PKHD1: variants seen among roughly 807,000 people sequenced by gnomAD.
PKHD1 encodes the protein fibrocystin.
PKHD1 carries 291 observed loss-of-function variants against 412.0 expected under a neutral mutation model. The observed-to-expected ratio is 0.71, with a 90% confidence interval of 0.64 to 0.78. The LOEUF is 0.78. Among genes scored for constraint, PKHD1 ranks in the 30% least tolerant of loss-of-function variants. The pLI is 0.00. For missense variants in PKHD1, 4,825 were observed against 4,950.7 expected, an observed-to-expected ratio of 0.97 and a Z score of 0.76; for synonymous variants, 1,777 against 1,821.5, an observed-to-expected ratio of 0.98 and a Z score of 0.62.
At chr6:51,771,379 T>C (rs1412265452) in intron 55 of PKHD1, among the ~76,000 whole-genome samples, 2 of 152,144 alleles carry the variant, frequency 1.3e-5, no homozygotes, top group African/African-American at 4.8e-5. Flanking sequence ...CCCAGGCCTT[T>C]GGGAGGCCAA....
intron 50 of PKHD1, among the ~76,000 whole-genome samples, chr6:51,846,632 G>A (rs1771209128): frequency 6.6e-6 from 1 of 152,144 alleles, no homozygotes; most frequent in Non-Finnish European, 1.5e-5. Context: ...GGATGGTCCT[G>A]ACACACTGGT....
At chr6:51,718,022 G>A (rs1227533772) in intron 60 of PKHD1, among the ~76,000 whole-genome samples, 3 of 152,206 alleles carry the variant, frequency 2.0e-5, no homozygotes, top group African/African-American at 7.2e-5. Context: ...TTTGGCTAAG[G>A]AAGCCTTGCT....
At chr6:51,901,358 A>G (rs1318778349) in intron 43 of PKHD1, among the ~76,000 whole-genome samples, 1 of 152,222 alleles carries the variant, frequency 6.6e-6, no homozygotes. Flanking sequence ...TGATGAGTTC[A>G]TGTCCTTTGT....
intron 41 of PKHD1, among the ~76,000 whole-genome samples, chr6:51,904,628 T>C (rs1781791945): frequency 6.6e-6 from 1 of 152,200 alleles, no homozygotes; most frequent in Non-Finnish European, 1.5e-5. Flanking sequence ...ATGTGTGAGA[T>C]TGAGTGCTTT....
intron 36 of PKHD1, among the ~76,000 whole-genome samples, chr6:51,956,680 G>A (rs564252292): frequency 6.6e-6 from 1 of 152,132 alleles, no homozygotes; most frequent in South Asian, 2.1e-4. Flanking sequence ...AGTCCTGGGG[G>A]GTGGCTGTAA....
At chr6:51,628,437 A>T (rs570722662) in intron 65 of PKHD1, among the ~76,000 whole-genome samples, 1 of 152,236 alleles carries the variant, frequency 6.6e-6, no homozygotes, top group Non-Finnish European at 1.5e-5. Context: ...ATTCTATTCC[A>T]TGGTATATAT....
intron 30 of PKHD1, 46 bp downstream of exon 30, chr6:52,028,110 C>A: frequency 6.4e-7 from 1 of 1,561,324 alleles, no homozygotes; most frequent in Non-Finnish European, 8.8e-7. Context: ...TAGCTGAATG[C>A]TAGACCATCA....
At chr6:51,675,264 T>A (rs2661496) in intron 60 of PKHD1, among the ~76,000 whole-genome samples, 8,920 of 152,262 alleles carry the variant, frequency 0.059, 311 homozygotes, top group Non-Finnish European at 0.078. Flanking sequence ...TCAGCATCAC[T>A]TCTATAGAGC....
At chr6:51,951,713 A>G (rs978265926) in intron 36 of PKHD1, among the ~76,000 whole-genome samples, 3 of 152,114 alleles carry the variant, frequency 2.0e-5, no homozygotes, top group Admixed American at 6.6e-5. Context: ...TCCCCAACAT[A>G]TTTTTATCTA....
At chr6:51,903,162 A>C (rs1781537836) in intron 43 of PKHD1, among the ~76,000 whole-genome samples, 1 of 152,202 alleles carries the variant, frequency 6.6e-6, no homozygotes, top group African/African-American at 2.4e-5. Flanking sequence ...TGTTTCCAGA[A>C]ATCCTGAGAG....
intron 37 of PKHD1, among the ~76,000 whole-genome samples, chr6:51,918,673 A>G (rs1168506869): frequency 1.8e-4 from 27 of 152,114 alleles, no homozygotes; most frequent in Admixed American, 1.8e-3. Flanking sequence ...ATGTGTCTTT[A>G]TGGTTGAATG....
intron 35 of PKHD1, among the ~76,000 whole-genome samples, chr6:51,973,366 T>A (rs558290063): frequency 4.6e-5 from 7 of 152,204 alleles, no homozygotes; most frequent in Non-Finnish European, 7.3e-5. Flanking sequence ...TACTTTACAG[T>A]CACCTGGAAT....
chr6:51,985,912 A>G (rs761205670), intron 35 of PKHD1, among the ~76,000 whole-genome samples: 1 of 152,172 alleles, frequency 6.6e-6, no homozygotes, highest in Non-Finnish European at 1.5e-5. Context: ...AAGTTATACA[A>G]TGGAAAGTAA....
chr6:51,890,410 A>G (rs978471308), intron 43 of PKHD1, among the ~76,000 whole-genome samples: 1 of 152,018 alleles, frequency 6.6e-6, no homozygotes, highest in Non-Finnish European at 1.5e-5. Context: ...TGGCCTCCCC[A>G]GTAGTGGAGA....
chr6:51,748,361 C>G lies in PKHD1; in HGVS notation c.9255G>C (p.Gln3085His). 1 of 1,614,034 alleles carries G rather than the reference C, an allele frequency of 6.2e-7. No homozygotes were observed. Among genetic ancestry groups the G allele is most frequent in the Middle Eastern group, 1.7e-4 (1 of 6,060 alleles). ...TIWVAGIKVN[Q>H]VKDINLHGNV... ...TGCCATGGAGGTTGATGTCCTTTACCTGGTTCACTTTGATTCCCGCCACCC... is the reference window on the plus strand; with the variant it reads ...TGCCATGGAGGTTGATGTCCTTTACGTGGTTCACTTTGATTCCCGCCACCC... Residue 3085 changes from glutamine (Q) to histidine (H), a missense_variant, in exon 58 of 67, where the codon CAG becomes CAC. Physicochemically the swap from Gln to His is conservative, Grantham distance 24. Transcript: ENST00000371117.
At chr6:51,655,435 G>T (rs188617940) in intron 61 of PKHD1, among the ~76,000 whole-genome samples, 2 of 152,116 alleles carry the variant, frequency 1.3e-5, no homozygotes, top group African/African-American at 4.8e-5. Flanking sequence ...ATGCAGAATG[G>T]GGGAACTTAA....
chr6:52,065,160 T>TAGAGAGAGAGAGAG (rs1469516676), intron 12 of PKHD1, 110 bp from the exon 13 acceptor site: 2 of 72,808 alleles, frequency 2.7e-5, no homozygotes, highest in South Asian at 4.4e-4. Context: ...TATATATATA[T>TAGAGAGAGAGAGAG]ATATATATAG....
chr6:51,990,133 C>G (rs1013621199), intron 35 of PKHD1, among the ~76,000 whole-genome samples: 1 of 151,064 alleles, frequency 6.6e-6, no homozygotes, highest in Admixed American at 6.6e-5. Context: ...TTATTCTTCC[C>G]TTTTCCTTCA....
intron 35 of PKHD1, among the ~76,000 whole-genome samples, chr6:51,960,640 T>C (rs1441122527): frequency 1.3e-5 from 2 of 152,144 alleles, no homozygotes; most frequent in East Asian, 3.9e-4. Context: ...CCTTTCCCCC[T>C]GTGCCTGGTG....
Sources: allele counts gnomAD v4.1 joint callset (sites outside exome capture counted in the v4.1 genomes callset), GRCh38; gene constraint gnomAD v4.1.1; transcripts MANE v1.5; gene names NCBI Gene and HGNC (gene_info 2026-07-23, HGNC 2026-07-21).